DST: variants seen among roughly 807,000 people sequenced by gnomAD.
The protein encoded by DST is bullous pemphigoid antigen.
In DST, 253 loss-of-function variants were observed where a neutral mutation model predicts 875.2. That is an observed-to-expected ratio of 0.29 (90% CI 0.26 to 0.32). DST has a LOEUF of 0.32. Ranked by LOEUF, DST falls within the 10% of genes least tolerant of loss-of-function variation. The pLI is 1.00. For synonymous variants in DST, 3,124 were observed against 3,197.1 expected (o/e 0.98, Z 0.77); for missense variants, 8,287 against 9,111.6 (o/e 0.91, Z 3.68).
At chr6:56,758,521 A>T (rs2099609616) in intron 4 of DST, among the ~76,000 whole-genome samples, 1 of 152,206 alleles carries the variant, frequency 6.6e-6, no homozygotes, top group Non-Finnish European at 1.5e-5. Context: ...GTAGGTCAGA[A>T]ATTCAAACCA....
intron 2 of DST, among the ~76,000 whole-genome samples, chr6:56,926,535 G>A (rs1371428155): frequency 6.6e-6 from 1 of 152,192 alleles, no homozygotes; most frequent in East Asian, 1.9e-4. Flanking sequence ...AAACCAGTGA[G>A]GATTCAACAG....
intron 9 of DST, among the ~76,000 whole-genome samples, chr6:56,696,011 TTCCATTTAACCAAAACATAGATGTG>T (rs1170616759): frequency 4.6e-5 from 7 of 152,198 alleles, no homozygotes; most frequent in Non-Finnish European, 1.0e-4. Context: ...GAGAGAACAT[TTCCATTTAACCAAAACATAGATGTG>T]TTCCATTCCA....
At chr6:56,617,484 C>G (rs1322353305) in intron 36 of DST, 2 of 1,343,112 alleles carry the variant, frequency 1.5e-6, no homozygotes, top group Non-Finnish European at 2.1e-6. Context: ...TATCCATTCT[C>G]AATCCAAACA....
At chr6:56,496,403 C>G (rs2095904967) in intron 82 of DST, among the ~76,000 whole-genome samples, 1 of 151,972 alleles carries the variant, frequency 6.6e-6, no homozygotes, top group Non-Finnish European at 1.5e-5. Context: ...GAAGCCTCCT[C>G]TTTGTGTCTG....
chr6:56,597,609 C>T, intron 47 of DST, 131 bp downstream of exon 47: 2 of 827,906 alleles, frequency 2.4e-6, no homozygotes, highest in Non-Finnish European at 1.8e-6. Flanking sequence ...TAATTTATAT[C>T]TGACATGATG....
chr6:56,573,657 A>AC (rs1279611387), intron 51 of DST, 22 bp downstream of exon 51: 1 of 1,566,854 alleles, frequency 6.4e-7, no homozygotes, highest in East Asian at 2.2e-5. Flanking sequence ...TGAAAATGGG[A>AC]CTTTTTTTTA....
At chr6:56,591,366 ACC>A (rs761062107) in intron 49 of DST, among the ~76,000 whole-genome samples, 2 of 152,216 alleles carry the variant, frequency 1.3e-5, no homozygotes, top group Non-Finnish European at 2.9e-5. Flanking sequence ...TTCAGTAAGA[ACC>A]CTAATCCTGG....
Position 56,527,601 on chromosome 6 carries a change from T to C in DST, c.17814A>G (p.Thr5938=). ...ALQLARRLHS[T]HEELCTWLDK... ...CCAGCCAGGTACACAGCTCTTCGTG[T>C]GTGGAGTGCAGCCGCCTTGCAAGCT... is the stretch of plus-strand genomic sequence containing the variant. Residue 5938 remains threonine (T), a synonymous_variant, in exon 68 of 104, where the codon ACA becomes ACG. Transcript: ENST00000680361. The C allele has an allele frequency of 1.2e-6, 2 of 1,613,860 alleles. No homozygotes were observed. Among genetic ancestry groups the C allele is most frequent in the African/African-American group, 2.7e-5 (2 of 75,062 alleles).
At chr6:56,646,919 G>T (rs1436881499) in intron 13 of DST, among the ~76,000 whole-genome samples, 1 of 152,146 alleles carries the variant, frequency 6.6e-6, no homozygotes, top group East Asian at 1.9e-4. Flanking sequence ...TACAAAACAA[G>T]ACCCTGTAAA....
At chr6:56,648,801 A>T in intron 12 of DST, 112 bp from the exon 13 acceptor site, 1 of 874,932 alleles carries the variant, frequency 1.1e-6, no homozygotes, top group Non-Finnish European at 1.7e-6. Flanking sequence ...AGCCTGACAG[A>T]CAGAACCAGC....
intron 2 of DST, among the ~76,000 whole-genome samples, chr6:56,921,638 T>A (rs73463717): frequency 0.019 from 2,930 of 152,322 alleles, 93 homozygotes; most frequent in African/African-American, 0.066. Context: ...TGCATTTTTC[T>A]CATGTTGAAA....
At chr6:56,913,954 A>C (rs1474912542) in intron 2 of DST, among the ~76,000 whole-genome samples, 1 of 152,198 alleles carries the variant, frequency 6.6e-6, no homozygotes, top group Non-Finnish European at 1.5e-5. Context: ...ACCCTACTGC[A>C]ATCCTTTATC....
At chr6:56,466,028 T>A (rs1035898014) in intron 99 of DST, 50 bp downstream of exon 99, 1 of 1,414,594 alleles carries the variant, frequency 7.1e-7, no homozygotes. Context: ...CTGGATATAA[T>A]ATAAAATTGA....
chr6:56,488,571 C>G (rs775247762), intron 86 of DST, among the ~76,000 whole-genome samples: 2 of 152,162 alleles, frequency 1.3e-5, no homozygotes, highest in Non-Finnish European at 2.9e-5. Flanking sequence ...CTAATCATGA[C>G]CTCCTAAGGT....
At chr6:56,893,398 G>A (rs372263079) in intron 3 of DST, among the ~76,000 whole-genome samples, 116 of 152,108 alleles carry the variant, frequency 7.6e-4, no homozygotes, top group Non-Finnish European at 1.0e-3. Flanking sequence ...TTATCCACTC[G>A]TTGATTGATG....
chr6:56,627,114 C>T (rs2098741802), intron 34 of DST, 90 bp downstream of exon 34: 2 of 983,922 alleles, frequency 2.0e-6, no homozygotes, highest in Non-Finnish European at 1.6e-6. Flanking sequence ...CTTTTAAACA[C>T]TGAGTGAAAT....
At chr6:56,734,606 A>T (rs1208498753) in intron 5 of DST, among the ~76,000 whole-genome samples, 1 of 152,204 alleles carries the variant, frequency 6.6e-6, no homozygotes, top group Non-Finnish European at 1.5e-5. Context: ...ATAGGGTCCA[A>T]TAACTCCACG....
At chr6:56,929,472 A>G (rs1003130668) in intron 2 of DST, among the ~76,000 whole-genome samples, 3 of 152,176 alleles carry the variant, frequency 2.0e-5, no homozygotes, top group Non-Finnish European at 4.4e-5. Context: ...ACTACTATCC[A>G]TATAAAAAGG....
intron 3 of DST, among the ~76,000 whole-genome samples, chr6:56,859,490 G>T (rs536375026): frequency 9.9e-5 from 15 of 152,170 alleles, no homozygotes; most frequent in Admixed American, 9.8e-4. Context: ...TCTACAAATA[G>T]TCTTTCCAAC....
Sources: allele counts gnomAD v4.1 joint callset (sites outside exome capture counted in the v4.1 genomes callset), GRCh38; gene constraint gnomAD v4.1.1; transcripts MANE v1.5; gene names NCBI Gene and HGNC (gene_info 2026-07-23, HGNC 2026-07-21).